Variants in SLCO1B3 observed in about 807,000 individuals in gnomAD.
SLCO1B3 encodes the protein solute carrier organic anion transporter family member 1B3.
Under a neutral mutation model 71.8 loss-of-function variants are expected in SLCO1B3, and 72 were observed. That is an observed-to-expected ratio of 1.00 (90% CI 0.83 to 1.22). The LOEUF is 1.22. SLCO1B3 is among the 50% of genes most tolerant of loss of function. The pLI is 0.00. For missense variants in SLCO1B3, 911 were observed against 819.7 expected, an observed-to-expected ratio of 1.11 and a Z score of -1.36; for synonymous variants, 298 against 278.4, an observed-to-expected ratio of 1.07 and a Z score of -0.70.
At chr12:20,903,102 C>CA (rs1866163597) in intron 15 of SLCO1B3, among the ~76,000 whole-genome samples, 1 of 148,348 alleles carries the variant, frequency 6.7e-6, no homozygotes, top group African/African-American at 2.5e-5. Context: ...ATGCAAACAT[C>CA]AAATGCTAGC....
Position 20,855,130 on chromosome 12 carries a change from T to G in SLCO1B3, c.187T>G (p.Ser63Ala), listed in dbSNP as rs543120401. ...AATAGAAAGGAGATTTGACATATCC[T>G]CTTCTCTTGCTGGTTTAATTGATGG... ...TQIERRFDIS[S>A]SLAGLIDGSF... The change falls in exon 4 of 16, where the codon TCT becomes GCT. Residue 63 changes from serine to alanine, a missense_variant. Transcript: ENST00000381545. The G allele has an allele frequency of 3.1e-6, 5 of 1,612,236 alleles. No individual in the cohort carries two copies. In the South Asian group the frequency reaches 5.5e-5, roughly 18 times the overall value.
At chr12:20,883,309 T>A in intron 12 of SLCO1B3, 109 bp from the exon 13 acceptor site, 1 of 608,172 alleles carries the variant, frequency 1.6e-6, no homozygotes, top group Non-Finnish European at 2.5e-6. Context: ...TAACATTTTT[T>A]AAACTGTAAA....
In SLCO1B3 at chr12:20,910,108, C is replaced by T. The variant is rs183239642; in HGVS notation, c.1866-5896C>T. Among the ~76,000 whole-genome samples, 371 of 152,220 alleles carry T rather than the reference C, an allele frequency of 2.4e-3. 1 individual carries two copies. Among genetic ancestry groups the T allele is most frequent in the Non-Finnish European group, 3.8e-3 (257 of 67,998 alleles). ...AGGAGTTTTATAGTTTTGCATTTTA[C>T]GTTTTGGTTTGTGATTCATTTTGAG... On this transcript the variant is annotated intron_variant, in intron 15 of 15. Coordinates refer to ENST00000381545, the MANE Select transcript of SLCO1B3 (RefSeq NM_019844.4).
chr12:20,891,419 G>GTAA (rs1226400674), intron 13 of SLCO1B3, among the ~76,000 whole-genome samples: 2 of 151,892 alleles, frequency 1.3e-5, no homozygotes, highest in African/African-American at 2.4e-5. Context: ...CTTTTTACAG[G>GTAA]TAATTAGATA....
chr12:20,829,538 C>T (rs1393266549), intron 3 of SLCO1B3, among the ~76,000 whole-genome samples: 2 of 152,178 alleles, frequency 1.3e-5, no homozygotes, highest in Non-Finnish European at 2.9e-5. Flanking sequence ...CAGGCATTCT[C>T]TCTGCAGTGG....
intron 3 of SLCO1B3, among the ~76,000 whole-genome samples, chr12:20,821,944 G>A (rs1007257631): frequency 3.4e-5 from 5 of 149,176 alleles, no homozygotes; most frequent in African/African-American, 1.3e-4. Context: ...ATTAAGAGAA[G>A]GGAGAGATTG....
chr12:20,842,061 A>C (rs1864815357), intron 3 of SLCO1B3, among the ~76,000 whole-genome samples: 1 of 151,720 alleles, frequency 6.6e-6, no homozygotes, highest in Non-Finnish European at 1.5e-5. Flanking sequence ...GTGCCTGGCT[A>C]ATTTTTGTAT....
At chr12:20,813,680 T>G (rs555347281) in intron 2 of SLCO1B3, 42 bp downstream of exon 2, 22 of 152,324 alleles carry the variant, frequency 1.4e-4, no homozygotes, top group African/African-American at 5.3e-4. Flanking sequence ...TATTGGCCAC[T>G]AATTCAATGT....
At chr12:20,875,952 A>G (rs1444366275) in intron 9 of SLCO1B3, among the ~76,000 whole-genome samples, 1 of 152,010 alleles carries the variant, frequency 6.6e-6, no homozygotes, top group Admixed American at 6.6e-5. Context: ...ATGGTAGGTT[A>G]TATTTAACTA....
At chr12:20,826,293 T>C (rs1227506596) in intron 3 of SLCO1B3, among the ~76,000 whole-genome samples, 1 of 152,098 alleles carries the variant, frequency 6.6e-6, no homozygotes, top group Admixed American at 6.5e-5. Context: ...CAGAAGCTAT[T>C]GACAAAGTTG....
chr12:20,908,938 G>A (rs1331513698), intron 15 of SLCO1B3, among the ~76,000 whole-genome samples: 2 of 152,118 alleles, frequency 1.3e-5, no homozygotes, highest in East Asian at 1.9e-4. Context: ...ATAAAAATAT[G>A]TATAGTTTTA....
chr12:20,896,878 T>A (rs1297634230), intron 13 of SLCO1B3, among the ~76,000 whole-genome samples: 3 of 152,146 alleles, frequency 2.0e-5, no homozygotes, highest in African/African-American at 4.8e-5. Flanking sequence ...AACCTCACAA[T>A]CATGGTCGAA....
At chr12:20,873,005 C>T (rs754925222) in intron 8 of SLCO1B3, among the ~76,000 whole-genome samples, 12 of 152,138 alleles carry the variant, frequency 7.9e-5, no homozygotes, top group Non-Finnish European at 1.3e-4. Flanking sequence ...CACCTTTACA[C>T]ATTTGAGACA....
intron 3 of SLCO1B3, among the ~76,000 whole-genome samples, chr12:20,843,495 G>A (rs550775054): frequency 2.8e-4 from 43 of 152,214 alleles, no homozygotes; most frequent in South Asian, 1.9e-3. Flanking sequence ...TACTTCAAAA[G>A]TATTATTCAT....
intron 15 of SLCO1B3, among the ~76,000 whole-genome samples, chr12:20,902,677 T>C (rs1866152281): frequency 6.6e-6 from 1 of 152,130 alleles, no homozygotes; most frequent in Non-Finnish European, 1.5e-5. Flanking sequence ...CACAAGGTAT[T>C]GTAAGCAAAG....
chr12:20,856,753 T>C (rs1178140195), intron 4 of SLCO1B3, among the ~76,000 whole-genome samples: 1 of 151,996 alleles, frequency 6.6e-6, no homozygotes, highest in Non-Finnish European at 1.5e-5. Flanking sequence ...TGGAGACAGG[T>C]TTTCACCATT....
intron 10 of SLCO1B3, among the ~76,000 whole-genome samples, chr12:20,878,487 AG>A (rs1375510139): frequency 9.2e-5 from 14 of 152,274 alleles, no homozygotes; most frequent in African/African-American, 3.4e-4. Context: ...CATTAAGGAA[AG>A]GTTATCTTAT....
In SLCO1B3 at chr12:20,881,917, C is replaced by G. The variant is rs373622781; in HGVS notation, c.1497+897C>G. ...AAACATTTTCTATCTTTCCCTTGCC[C>G]AATATCCTACCAACGTATTATTAAA... On this transcript the variant is annotated intron_variant, in intron 12 of 15. Coordinates refer to ENST00000381545, the MANE Select transcript of SLCO1B3 (RefSeq NM_019844.4). Among the ~76,000 whole-genome samples the G allele has an allele frequency of 8.1e-4, 124 of 152,266 alleles. 2 individuals carry two copies. The South Asian group carries it at 0.025, about 31-fold the overall frequency.
intron 10 of SLCO1B3, 94 bp from the exon 11 acceptor site, chr12:20,879,342 A>T: frequency 3.4e-6 from 3 of 874,408 alleles, no homozygotes; most frequent in Non-Finnish European, 3.4e-6. Flanking sequence ...GAATGGGTGA[A>T]TTTGGTTGAT....
Sources: gnomAD v4.1 joint callset for allele counts (sites outside exome capture counted in the v4.1 genomes callset) on GRCh38, gnomAD v4.1.1 for gene constraint, MANE v1.5 for transcripts, NCBI Gene and HGNC (gene_info 2026-07-23, HGNC 2026-07-21) for gene names.